EIF4G3: variants seen among roughly 807,000 people sequenced by gnomAD.
EIF4G3 encodes eIF-4-gamma 3.
EIF4G3 carries 34 observed loss-of-function variants against 186.4 expected under a neutral mutation model. That is an observed-to-expected ratio of 0.18 (90% CI 0.14 to 0.24). EIF4G3 has a LOEUF of 0.24. Ranked by LOEUF, EIF4G3 falls within the 10% of genes least tolerant of loss-of-function variation. The pLI is 1.00. For synonymous variants in EIF4G3, 673 were observed against 679.5 expected, an observed-to-expected ratio of 0.99 and a Z score of 0.15; for missense variants, 1,536 against 1,948.5, an observed-to-expected ratio of 0.79 and a Z score of 3.99.
At chr1:21,119,993 G>A (rs1472254070) in intron 2 of EIF4G3, among the ~76,000 whole-genome samples, 1 of 151,492 alleles carries the variant, frequency 6.6e-6, no homozygotes, top group African/African-American at 2.4e-5. Flanking sequence ...TAAAATATGG[G>A]TCTCATTCAC....
At chr1:20,900,043 T>C in intron 15 of EIF4G3, 100 bp from the exon 16 acceptor site, 2 of 1,191,998 alleles carry the variant, frequency 1.7e-6, no homozygotes, top group South Asian at 3.0e-5. Context: ...GGAAAACATG[T>C]CATTCAAGGT....
At position 21,010,120 on chromosome 1, in the gene EIF4G3, T is replaced by C. The variant is rs565004986; in HGVS notation, c.-66-7312A>G. Among the ~76,000 whole-genome samples, 5 of 152,316 alleles carry C rather than the reference T, an allele frequency of 3.3e-5. No individual in the cohort carries two copies. The South Asian group carries it at 1.0e-3, about 32-fold the overall frequency. ...CTGAAAAAATAAATGTTTATTTAAA[T>C]GAATTTTATTCAATTTAAATTTTGT... On this transcript the variant is annotated intron_variant, in intron 4 of 36. Transcript: ENST00000602326.
intron 15 of EIF4G3, among the ~76,000 whole-genome samples, chr1:20,900,955 T>A (rs969672699): frequency 2.6e-5 from 4 of 152,210 alleles, no homozygotes; most frequent in South Asian, 2.1e-4. Context: ...AAAACAGATA[T>A]AATACTAGTA....
intron 34 of EIF4G3, 88 bp downstream of exon 34, chr1:20,817,304 G>T: frequency 1.5e-6 from 1 of 660,086 alleles, no homozygotes; most frequent in Non-Finnish European, 2.3e-6. Flanking sequence ...AAAAATTCAT[G>T]AAGTGAACTG....
At chr1:20,993,567 T>C (rs1282299399) in intron 7 of EIF4G3, among the ~76,000 whole-genome samples, 2 of 152,188 alleles carry the variant, frequency 1.3e-5, no homozygotes, top group African/African-American at 4.8e-5. Flanking sequence ...ATATTTGCTA[T>C]TGGACTTTAG....
At chr1:21,112,739 G>A (rs1364406294) in intron 2 of EIF4G3, among the ~76,000 whole-genome samples, 1 of 151,988 alleles carries the variant, frequency 6.6e-6, no homozygotes, top group Non-Finnish European at 1.5e-5. Context: ...ACGCCTAAAG[G>A]AAAGCATGTT....
intron 2 of EIF4G3, among the ~76,000 whole-genome samples, chr1:21,089,939 G>A (rs1336159928): frequency 6.6e-6 from 1 of 152,098 alleles, no homozygotes; most frequent in African/African-American, 2.4e-5. Flanking sequence ...TAAATCATTG[G>A]ATGTTTCTTT....
intron 19 of EIF4G3, among the ~76,000 whole-genome samples, chr1:20,881,732 G>A (rs1399560051): frequency 6.6e-6 from 1 of 151,964 alleles, no homozygotes; most frequent in Non-Finnish European, 1.5e-5. Context: ...AGGTTACAGT[G>A]AGCTGTGATT....
chr1:20,932,634 T>C (rs988390268), intron 14 of EIF4G3, among the ~76,000 whole-genome samples: 3 of 151,998 alleles, frequency 2.0e-5, no homozygotes, highest in Non-Finnish European at 2.9e-5. Context: ...GGGAGAGAGA[T>C]GGAAGAACTG....
At chr1:21,061,051 A>G (rs1479648608) in intron 3 of EIF4G3, among the ~76,000 whole-genome samples, 1 of 152,218 alleles carries the variant, frequency 6.6e-6, no homozygotes, top group Non-Finnish European at 1.5e-5. Context: ...TAACAGCCAT[A>G]ATACTTAAAT....
At position 20,917,113 on chromosome 1, in the gene EIF4G3, AAC is replaced by A. The variant is rs1191811982; in HGVS notation, c.1664-12144_1664-12143del. ...CAAAATGTCTATCAATAGGTTAACA[AAC>A]AGACAAATTGTGGCAAATCCATACT... On this transcript the variant is annotated intron_variant, in intron 14 of 36. Coordinates refer to ENST00000602326, the MANE Select transcript of EIF4G3 (RefSeq NM_001391906.1). Among the ~76,000 whole-genome samples, 5 of 152,274 alleles carry A rather than the reference AAC, an allele frequency of 3.3e-5. No individual in the cohort carries two copies. The East Asian group carries it at 9.6e-4, about 29-fold the overall frequency.
At chr1:20,963,931 C>CAAAAA (rs35997561) in intron 12 of EIF4G3, among the ~76,000 whole-genome samples, 1 of 122,682 alleles carries the variant, frequency 8.2e-6, no homozygotes, top group Non-Finnish European at 1.7e-5. Flanking sequence ...GACTCCATCT[C>CAAAAA]AAAAAAAAAA....
At chr1:20,978,416 G>C (rs768150077) in intron 10 of EIF4G3, among the ~76,000 whole-genome samples, 1 of 152,080 alleles carries the variant, frequency 6.6e-6, no homozygotes, top group African/African-American at 2.4e-5. Flanking sequence ...GAGACATTTA[G>C]TGAGGTTATA....
In EIF4G3 at chr1:20,895,487, T is replaced by C. The variant is rs752210615; in HGVS notation, c.2014A>G (p.Thr672Ala). ...FPFKPESWKP[T>A]DTEGKKQYDR... ...TACTGCTTCTTACCTTCAGTATCAG[T>C]AGGCTTCCAGGATTCTAGAAAGAGG... The change falls in exon 17 of 37, where the codon ACT becomes GCT. Residue 672 changes from threonine (T) to alanine (A), a missense_variant. This residue lies in a region of EIF4G3 where 560 missense variants were observed against 547.8 expected (regional missense o/e 1.02). Transcript: ENST00000602326. 10 of 1,613,888 alleles carry C rather than the reference T, an allele frequency of 6.2e-6. No individual in the cohort carries two copies. In the East Asian group the frequency reaches 1.6e-4, roughly 25 times the overall value.
chr1:21,175,475 T>A (rs1390403515), intron 2 of EIF4G3: 1 of 152,216 alleles, frequency 6.6e-6, no homozygotes, highest in Non-Finnish European at 1.5e-5. Flanking sequence ...GTGAGACTTT[T>A]GTGGGTGATG....
chr1:20,890,062 T>A (rs1045216959), intron 18 of EIF4G3, among the ~76,000 whole-genome samples: 1 of 151,764 alleles, frequency 6.6e-6, no homozygotes, highest in Non-Finnish European at 1.5e-5. Flanking sequence ...AGCCTCCGCC[T>A]CCCGGGTTCA....
intron 22 of EIF4G3, among the ~76,000 whole-genome samples, 182 bp from the exon 23 acceptor site, chr1:20,862,514 C>T (rs1385900286): frequency 6.6e-6 from 1 of 152,172 alleles, no homozygotes; most frequent in Non-Finnish European, 1.5e-5. Flanking sequence ...CTCTCAGGCT[C>T]AACCGATCCC....
intron 2 of EIF4G3, among the ~76,000 whole-genome samples, chr1:21,161,217 G>C (rs979260445): frequency 1.3e-5 from 2 of 151,708 alleles, no homozygotes; most frequent in African/African-American, 4.8e-5. Flanking sequence ...TGAAAAACAA[G>C]TGCCAGCCTG....
chr1:20,894,569 T>C (rs1439004560), intron 17 of EIF4G3, among the ~76,000 whole-genome samples: 1 of 152,224 alleles, frequency 6.6e-6, no homozygotes. Flanking sequence ...AATTCAGACC[T>C]TGGTTATGAC....
Sources: gnomAD v4.1 joint callset for allele counts (sites outside exome capture counted in the v4.1 genomes callset) on GRCh38, gnomAD v4.1.1 for gene constraint, gnomAD v4.1.1 regional missense constraint, MANE v1.5 for transcripts, NCBI Gene and HGNC (gene_info 2026-07-23, HGNC 2026-07-21) for gene names.